Variants in GNG7 observed in about 807,000 individuals in gnomAD.
GNG7 encodes the protein guanine nucleotide-binding protein G(I)/G(S)/G(O) subunit gamma-7.
A neutral mutation model predicts 4.0 loss-of-function variants in GNG7; 1 was observed. The ratio of observed to expected loss-of-function variants is 0.25; its 90% CI spans 0.09 to 1.18. The LOEUF is 1.18. GNG7 is among the 50% of genes most tolerant of loss of function. The probability of loss-of-function intolerance (pLI) is 0.50; values close to 1 mark genes in which losing one functional copy is unlikely to be tolerated. For missense variants in GNG7, 86 were observed against 91.9 expected, an observed-to-expected ratio of 0.94 and a Z score of 0.26; for synonymous variants, 34 against 36.9, an observed-to-expected ratio of 0.92 and a Z score of 0.29.
chr19:2,611,048 C>G lies in GNG7; in HGVS notation c.-78+35176G>C, dbSNP rs1344859326. The G allele has an allele frequency of 6.6e-6, 1 of 152,112 alleles. No homozygotes were observed. The highest frequency in any genetic ancestry group is 1.5e-5 in the Non-Finnish European group (1 of 68,038). The allele number at this position is 152,112 out of a possible 1,614,324, so 9.4% of individuals were successfully genotyped here. A position where few individuals can be genotyped will look rare whatever the true frequency, so the allele number is the denominator to read the frequency against. On this transcript the variant is annotated intron_variant, in intron 2 of 4. Transcript: ENST00000382159. This position sits in a 1 kb window ranked among gnomAD's most constrained non-coding sequence, Gnocchi z 6.0. ...TCAACATTCTCAGAAAGGACCACGCCCGGCACCGGCCTTGGATGGCTTCCC... is the reference window on the plus strand; with the variant it reads ...TCAACATTCTCAGAAAGGACCACGCGCGGCACCGGCCTTGGATGGCTTCCC...
At chr19:2,644,458 A>C (rs919805124) in intron 2 of GNG7, among the ~76,000 whole-genome samples, 5 of 147,938 alleles carry the variant, frequency 3.4e-5, no homozygotes, top group African/African-American at 1.0e-4. Flanking sequence ...AAAATGCATA[A>C]TTCTTTCTGA....
chr19:2,542,719 GC>G (rs2144749126), intron 3 of GNG7, among the ~76,000 whole-genome samples: 1 of 152,196 alleles, frequency 6.6e-6, no homozygotes, highest in East Asian at 1.9e-4. Flanking sequence ...GATACGCAAG[GC>G]CAGGATGGGA....
intron 2 of GNG7, among the ~76,000 whole-genome samples, chr19:2,580,630 T>C (rs1427690749): frequency 6.6e-6 from 1 of 151,770 alleles, no homozygotes; most frequent in African/African-American, 2.4e-5. Flanking sequence ...AGAGACAAGG[T>C]CTTGCTGTTA....
rs1979570669 is a variant in GNG7 at position 2,557,061 on chromosome 19, A to G, written c.-77-1873T>C. On this transcript the variant is annotated intron_variant, in intron 2 of 4. Coordinates refer to ENST00000382159, the MANE Select transcript of GNG7 (RefSeq NM_052847.3). The surrounding 1 kb of genome is among the most constrained non-coding windows in gnomAD (Gnocchi z 5.1). ...CACACGCACACTCACACACATATGC[A>G]CGCACACAGACACACGCACACACGT... Among the ~76,000 whole-genome samples, 1 of 143,030 alleles carries G rather than the reference A, an allele frequency of 7.0e-6. No individual in the cohort carries two copies. 93.8% of individuals were successfully genotyped at this position (143,030 alleles called of 152,430 possible).
chr19:2,537,112 A>G (rs2144742742), intron 3 of GNG7, among the ~76,000 whole-genome samples: 1 of 151,160 alleles, frequency 6.6e-6, no homozygotes, highest in Middle Eastern at 3.5e-3. Flanking sequence ...GCGCCCGGCT[A>G]ATTTTTTGTA....
At chr19:2,533,825 G>C (rs1978662941) in intron 3 of GNG7, among the ~76,000 whole-genome samples, 1 of 152,158 alleles carries the variant, frequency 6.6e-6, no homozygotes, top group Admixed American at 6.6e-5. Flanking sequence ...AGAGAGGAAA[G>C]AGCTTGATAA....
chr19:2,638,965 C>T (rs367677570), intron 2 of GNG7, among the ~76,000 whole-genome samples: 4 of 152,060 alleles, frequency 2.6e-5, no homozygotes, highest in African/African-American at 7.2e-5. Context: ...TGGCCAGGTG[C>T]GGTGGCTCAC....
chr19:2,630,379 A>G (rs1363676600), intron 2 of GNG7, among the ~76,000 whole-genome samples: 1 of 152,188 alleles, frequency 6.6e-6, no homozygotes, highest in Non-Finnish European at 1.5e-5. Flanking sequence ...GGGATTTTGA[A>G]GAGGTAAATA....
chr19:2,682,533 C>G (rs924875872), intron 1 of GNG7, among the ~76,000 whole-genome samples: 4 of 151,318 alleles, frequency 2.6e-5, no homozygotes, highest in South Asian at 2.1e-4. Flanking sequence ...CGTGGTGGCA[C>G]GCACCTGTAG....
rs1972701695 is a variant in GNG7, at chr19:2,514,596, T to C, written c.*426A>G. ...TGACCCTATGAAGTCTTTTTACCAA[T>C]GGCCAATTCTCCCGGAACTATTGCC... On this transcript the variant is annotated 3_prime_UTR_variant, in exon 5 of 5. Coordinates refer to ENST00000382159, the MANE Select transcript of GNG7 (RefSeq NM_052847.3). 6.3e-6 allele frequency: 1 copy of C among 158,276 alleles called. No homozygotes were observed. Among genetic ancestry groups the C allele is most frequent in the Non-Finnish European group, 1.4e-5 (1 of 71,700 alleles). 9.8% of individuals were successfully genotyped at this position (158,276 alleles called of 1,614,324 possible).
chr19:2,525,743 T>G (rs1023630551), intron 3 of GNG7, among the ~76,000 whole-genome samples: 1 of 152,086 alleles, frequency 6.6e-6, no homozygotes, highest in African/African-American at 2.4e-5. Flanking sequence ...AATAAAAATC[T>G]ACATATAGAA....
At chr19:2,684,185 G>A (rs1313915167) in intron 1 of GNG7, among the ~76,000 whole-genome samples, 1 of 148,548 alleles carries the variant, frequency 6.7e-6, no homozygotes, top group African/African-American at 2.5e-5. Context: ...CGCCCAGGCT[G>A]GAGTGCAATG....
At position 2,604,909 on chromosome 19, in the gene GNG7, G is replaced by A. The variant is rs892511430; in HGVS notation, c.-78+41315C>T. On this transcript the variant is annotated intron_variant, in intron 2 of 4. Coordinates refer to ENST00000382159, the MANE Select transcript of GNG7 (RefSeq NM_052847.3). ...ATCCTGGGATGAACTAGATTCTGTC[G>A]TTGGAGTCCAAGTCCTTTTGGCTGT... Among the ~76,000 whole-genome samples the A allele has an allele frequency of 4.6e-5, 7 of 152,202 alleles. No individual in the cohort carries two copies. The East Asian group carries it at 5.8e-4, about 13-fold the overall frequency.
chr19:2,630,609 CA>C (rs1471591635), intron 2 of GNG7: 1 of 151,998 alleles, frequency 6.6e-6, no homozygotes, highest in Non-Finnish European at 1.5e-5. Flanking sequence ...AACAGTCTAT[CA>C]ACCACAAAGA....
In GNG7 at chr19:2,557,114, C is replaced by T. The variant is rs193000833; in HGVS notation, c.-77-1926G>A. On this transcript the variant is annotated intron_variant, in intron 2 of 4. Transcript: ENST00000382159. This position sits in a 1 kb window ranked among gnomAD's most constrained non-coding sequence, Gnocchi z 5.1. ...ACACAGGAATACTCAGACACACGCACACACGTACACACGTGTACTGCACAC... is the reference window on the plus strand; with the variant it reads ...ACACAGGAATACTCAGACACACGCATACACGTACACACGTGTACTGCACAC... Among the ~76,000 whole-genome samples the T allele has an allele frequency of 6.6e-6, 1 of 151,760 alleles. No homozygotes were observed. The highest frequency in any genetic ancestry group is 1.9e-4 in the East Asian group (1 of 5,152).
At chr19:2,639,496 G>T (rs968297293) in intron 2 of GNG7, among the ~76,000 whole-genome samples, 2 of 151,972 alleles carry the variant, frequency 1.3e-5, no homozygotes, top group Admixed American at 6.6e-5. Flanking sequence ...GCTTGGCAAA[G>T]ATTTCACAGC....
chr19:2,649,021 T>TG (rs747550532), intron 1 of GNG7, among the ~76,000 whole-genome samples: 1 of 151,884 alleles, frequency 6.6e-6, no homozygotes, highest in Non-Finnish European at 1.5e-5. Flanking sequence ...CCTGAGGAGC[T>TG]GGGCCTACAG....
intron 3 of GNG7, among the ~76,000 whole-genome samples, chr19:2,526,128 G>T (rs939374258): frequency 3.9e-5 from 6 of 151,948 alleles, no homozygotes; most frequent in Non-Finnish European, 7.4e-5. Flanking sequence ...CCGCCACCAC[G>T]CCTGGCTAAT....
At chr19:2,692,375 C>T (rs1053258480) in intron 1 of GNG7, among the ~76,000 whole-genome samples, 1 of 151,854 alleles carries the variant, frequency 6.6e-6, no homozygotes, top group African/African-American at 2.4e-5. Context: ...GTGGCTCACG[C>T]CTGTAATCCC....
Sources: gnomAD v4.1 joint callset for allele counts (sites outside exome capture counted in the v4.1 genomes callset) on GRCh38, gnomAD v4.1.1 for gene constraint, Gnocchi (gnomAD v3.1) non-coding constraint, MANE v1.5 for transcripts, NCBI Gene and HGNC (gene_info 2026-07-23, HGNC 2026-07-21) for gene names.